Variants in NUDT4 observed in about 807,000 individuals in gnomAD.
NUDT4 encodes the protein nudix hydrolase 4.
In NUDT4, 5 loss-of-function variants were observed where a neutral mutation model predicts 23.1. That is an observed-to-expected ratio of 0.22 (90% CI 0.11 to 0.46). The LOEUF (loss-of-function observed/expected upper bound fraction) is 0.46. NUDT4 is among the 20% of genes least tolerant of loss of function. The pLI is 0.99. For synonymous variants in NUDT4, 50 were observed against 79.0 expected (o/e 0.63, Z 1.95); for missense variants, 96 against 211.6 (o/e 0.45, Z 3.39).
chr12:93,397,030 A>G (rs1876985227), intron 3 of NUDT4, among the ~76,000 whole-genome samples: 1 of 152,216 alleles, frequency 6.6e-6, no homozygotes. Flanking sequence ...GTGTTTGAAG[A>G]AAATGTCTCA....
chr12:93,407,653 G>A lies in NUDT4; in HGVS notation c.*8274G>A, dbSNP rs759389384. On this transcript the variant is annotated 3_prime_UTR_variant, in exon 5 of 5. Coordinates refer to ENST00000415493, the MANE Select transcript of NUDT4 (RefSeq NM_019094.6). The stretch of plus-strand genomic sequence containing the variant: ...TCTTCAGATCATTCAAAAGTTACCC[G>A]AATTCTGGATTTTCATGCAAATCTC... 2.0e-5 allele frequency: 3 copies of A among 152,148 alleles called. No individual in the cohort carries two copies. The highest frequency in any genetic ancestry group is 6.5e-5 in the Admixed American group (1 of 15,268). 9.4% of individuals were successfully genotyped at this position (152,148 alleles called of 1,614,324 possible).
chr12:93,380,994 G>T (rs903978514), intron 1 of NUDT4: 3 of 152,192 alleles, frequency 2.0e-5, no homozygotes, highest in African/African-American at 7.2e-5. Context: ...AAAGCTACGT[G>T]GCGCTCCCAT....
chr12:93,381,658 C>T (rs1473472332), intron 1 of NUDT4, among the ~76,000 whole-genome samples: 1 of 151,940 alleles, frequency 6.6e-6, no homozygotes, highest in Non-Finnish European at 1.5e-5. Flanking sequence ...ACCAGGCGTC[C>T]CAAATAGAGC....
chr12:93,394,811 GTGCTTTT>G, intron 2 of NUDT4, 92 bp downstream of exon 2: 1 of 705,688 alleles, frequency 1.4e-6, no homozygotes, highest in Non-Finnish European at 2.4e-6. Context: ...GGGTCCAGGA[GTGCTTTT>G]TGCCTGATGC....
Position 93,404,987 on chromosome 12 carries a change from T to C in NUDT4, c.*5608T>C, listed in dbSNP as rs998318578. On this transcript the variant is annotated 3_prime_UTR_variant, in exon 5 of 5. Coordinates refer to ENST00000415493, the MANE Select transcript of NUDT4 (RefSeq NM_019094.6). ...GTGCTTTCTCACTACAATGGCAGAA[T>C]TCAGTAGTTGAGACAGACCTATGGT... The C allele has an allele frequency of 1.3e-5, 2 of 152,030 alleles. No homozygotes were observed. The highest frequency in any genetic ancestry group is 1.3e-4 in the Admixed American group (2 of 15,272). 9.4% of individuals were successfully genotyped at this position (152,030 alleles called of 1,614,324 possible). A position where few individuals can be genotyped will look rare whatever the true frequency, so the allele number is the denominator to read the frequency against.
intron 1 of NUDT4, among the ~76,000 whole-genome samples, chr12:93,383,036 C>T (rs530950206): frequency 1.3e-5 from 2 of 151,840 alleles, no homozygotes; most frequent in South Asian, 2.1e-4. Flanking sequence ...GAAGGTTTCC[C>T]GTCATTAAAC....
At chr12:93,378,602 T>A (rs1875386054) in intron 1 of NUDT4, 181 bp downstream of exon 1, 1 of 1,267,028 alleles carries the variant, frequency 7.9e-7, no homozygotes, top group Non-Finnish European at 1.0e-6. Flanking sequence ...TTCTCTGGGC[T>A]GATAGATGAG....
intron 1 of NUDT4, 103 bp from the exon 2 acceptor site, chr12:93,394,506 T>A (rs2054302): frequency 0.29 from 169,877 of 593,494 alleles, 27,806 homozygotes; most frequent in East Asian, 0.65. Flanking sequence ...TTTAAAATAT[T>A]TTAATCTAGA....
At chr12:93,396,065 T>G (rs922683432) in intron 3 of NUDT4, among the ~76,000 whole-genome samples, 7 of 152,326 alleles carry the variant, frequency 4.6e-5, no homozygotes, top group Non-Finnish European at 1.0e-4. Context: ...TACTTCTGTT[T>G]GAAAATACAG....
chr12:93,381,119 A>G (rs987160778), intron 1 of NUDT4: 1 of 152,180 alleles, frequency 6.6e-6, no homozygotes, highest in Non-Finnish European at 1.5e-5. Context: ...TTATATATTA[A>G]ATATTTTCCA....
Position 93,406,599 on chromosome 12 carries a change from CAAAA to C in NUDT4, c.*7221_*7224del, listed in dbSNP as rs1298641827. The stretch of plus-strand genomic sequence containing the variant: ...ACTTCCGTGGATTCAAACAACCAGA[CAAAA>C]TATTCCAAAAAACATTGTGTCTGTA... On this transcript the variant is annotated 3_prime_UTR_variant, in exon 5 of 5. Coordinates refer to ENST00000415493, the MANE Select transcript of NUDT4 (RefSeq NM_019094.6). The C allele has an allele frequency of 1.3e-5, 2 of 152,170 alleles. No individual in the cohort carries two copies. Among genetic ancestry groups the C allele is most frequent in the Non-Finnish European group, 2.9e-5 (2 of 68,062 alleles). 9.4% of individuals were successfully genotyped at this position (152,170 alleles called of 1,614,324 possible).
intron 1 of NUDT4, among the ~76,000 whole-genome samples, chr12:93,385,953 A>T (rs895136423): frequency 7.3e-6 from 1 of 136,802 alleles, no homozygotes; most frequent in South Asian, 2.3e-4. Context: ...ATATATATAT[A>T]TATATATATA....
rs112850028 is a variant in NUDT4 at position 93,386,995 on chromosome 12, G to A, written c.100-7614G>A. 7.2e-5 allele frequency among the ~76,000 whole-genome samples: 11 copies of A among 152,100 alleles called. 1 individual carries two copies. Among genetic ancestry groups the A allele is most frequent in the African/African-American group, 2.4e-4 (10 of 41,496 alleles). On this transcript the variant is annotated intron_variant, in intron 1 of 4. Coordinates refer to ENST00000415493, the MANE Select transcript of NUDT4 (RefSeq NM_019094.6). ...GTTGCCCAGGCTGGAATGCAGTTGC[G>A]CTATCTCAGCTCACTGCAAACCGCC...
At chr12:93,388,378 AAT>A (rs1327507121) in intron 1 of NUDT4, among the ~76,000 whole-genome samples, 1 of 152,252 alleles carries the variant, frequency 6.6e-6, no homozygotes, top group Non-Finnish European at 1.5e-5. Context: ...CACCTCCAAG[AAT>A]ATAAGCTCTT....
At chr12:93,387,232 A>G (rs1008470714) in intron 1 of NUDT4, among the ~76,000 whole-genome samples, 1 of 152,140 alleles carries the variant, frequency 6.6e-6, no homozygotes, top group Non-Finnish European at 1.5e-5. Context: ...GCACCCGGCT[A>G]GACTGTTTTA....
rs1877668425 is a variant in NUDT4, at chr12:93,404,195, TAAA to T, written c.*4817_*4819del. ...TTAAGAAACATGCCTATTGACGAAG[TAAA>T]TATACTAGGAATTCAACGTATCTAC... On this transcript the variant is annotated 3_prime_UTR_variant, in exon 5 of 5. Transcript: ENST00000415493. The T allele has an allele frequency of 6.6e-6, 1 of 152,120 alleles. No homozygotes were observed. Among genetic ancestry groups the T allele is most frequent in the African/African-American group, 2.4e-5 (1 of 41,408 alleles). 9.4% of individuals were successfully genotyped at this position (152,120 alleles called of 1,614,324 possible).
intron 1 of NUDT4, among the ~76,000 whole-genome samples, chr12:93,386,850 A>C (rs1376829781): frequency 6.6e-6 from 1 of 152,194 alleles, no homozygotes; most frequent in East Asian, 1.9e-4. Context: ...AACTGGAAGA[A>C]CATAGCTAAA....
chr12:93,385,520 C>T (rs1875991670), intron 1 of NUDT4, among the ~76,000 whole-genome samples: 1 of 152,104 alleles, frequency 6.6e-6, no homozygotes, highest in Non-Finnish European at 1.5e-5. Context: ...GAATTTCAAA[C>T]CTATGAATGA....
intron 4 of NUDT4, 107 bp downstream of exon 4, chr12:93,398,962 T>C (rs1565784259): frequency 1.1e-6 from 1 of 882,258 alleles, no homozygotes; most frequent in Admixed American, 2.7e-5. Context: ...TTTGCTTATA[T>C]TCCTGTGTCC....
Sources: gnomAD v4.1 joint callset for allele counts (sites outside exome capture counted in the v4.1 genomes callset) on GRCh38, gnomAD v4.1.1 for gene constraint, MANE v1.5 for transcripts, NCBI Gene and HGNC (gene_info 2026-07-23, HGNC 2026-07-21) for gene names.